The following ERO1B variants were observed in gnomAD, a reference collection of about 807,000 sequenced individuals.
ERO1B encodes the protein endoplasmic reticulum oxidoreductase 1 beta, also known as ERO1-like protein beta.
ERO1B carries 49 observed loss-of-function variants against 75.3 expected under a neutral mutation model. The ratio of observed to expected loss-of-function variants is 0.65; its 90% CI spans 0.52 to 0.83. The LOEUF (loss-of-function observed/expected upper bound fraction) is 0.83. Ranked by LOEUF, ERO1B falls within the 40% of genes least tolerant of loss-of-function variation. The probability of loss-of-function intolerance (pLI) is 0.00; values close to 1 mark genes in which losing one functional copy is unlikely to be tolerated. For synonymous variants in ERO1B, 191 were observed against 192.9 expected, an observed-to-expected ratio of 0.99 and a Z score of 0.08; for missense variants, 512 against 560.1, an observed-to-expected ratio of 0.91 and a Z score of 0.87.
At chr1:236,236,717 T>C (rs562973921) in intron 6 of ERO1B, among the ~76,000 whole-genome samples, 15 of 152,310 alleles carry the variant, frequency 9.8e-5, no homozygotes, top group South Asian at 2.1e-4. Context: ...CCACCCAGGA[T>C]TGAAAAGACC....
intron 4 of ERO1B, chr1:236,251,415 AT>A (rs1558515905): frequency 1.2e-6 from 1 of 848,094 alleles, no homozygotes; most frequent in Admixed American, 6.2e-5. Flanking sequence ...ATATGGTTTT[AT>A]TTATTTCAGA....
chr1:236,262,703 C>T (rs1487957766), intron 2 of ERO1B, among the ~76,000 whole-genome samples: 1 of 152,182 alleles, frequency 6.6e-6, no homozygotes, highest in East Asian at 1.9e-4. Context: ...CCATGCCCAG[C>T]CCTGCTGTTT....
chr1:236,253,527 A>G, intron 2 of ERO1B, 22 bp from the exon 3 acceptor site: 1 of 1,518,358 alleles, frequency 6.6e-7, no homozygotes, highest in Non-Finnish European at 9.1e-7. Flanking sequence ...GAACAAAGTT[A>G]GTAAACTCAT....
Position 236,226,422 on chromosome 1 carries a change from A to G in ERO1B, c.899T>C (p.Leu300Pro). The G allele has an allele frequency of 6.2e-7, 1 of 1,614,156 alleles. No individual in the cohort carries two copies. The highest frequency in any genetic ancestry group is 8.5e-7 in the Non-Finnish European group (1 of 1,180,008). Residue 300 changes from leucine to proline, a missense_variant, in exon 12 of 16, where the codon CTC becomes CCC. Leu to Pro is a moderately conservative substitution (Grantham distance 98). Transcript: ENST00000354619. ...VETKGEGPRR[L>P]KNLYFLYLIE... ...CAAGTATAAAAAGTAAAGATTCTTGAGCCTTCTTGGACCTTCTCCCTTGGT... is the reference window on the plus strand; with the variant it reads ...CAAGTATAAAAAGTAAAGATTCTTGGGCCTTCTTGGACCTTCTCCCTTGGT...
chr1:236,251,965 G>T lies in ERO1B; in HGVS notation c.348+85C>A, dbSNP rs940707399. The stretch of plus-strand genomic sequence containing the variant: ...TCCATTCCCAACTAACCATAATATG[G>T]TTCTTTACTACAGCCACTGTCAGTC... On this transcript the variant is annotated intron_variant, in intron 4 of 15. Transcript: ENST00000354619. 8.3e-5 allele frequency: 84 copies of T among 1,013,958 alleles called. No individual in the cohort carries two copies. In the African/African-American group the frequency reaches 1.2e-3, roughly 15 times the overall value. 62.8% of individuals were successfully genotyped at this position (1,013,958 alleles called of 1,614,324 possible). A position where few individuals can be genotyped will look rare whatever the true frequency, so the allele number is the denominator to read the frequency against.
intron 2 of ERO1B, among the ~76,000 whole-genome samples, chr1:236,266,035 G>A (rs56167022): frequency 2.6e-5 from 4 of 152,076 alleles, no homozygotes; most frequent in Admixed American, 6.5e-5. Flanking sequence ...TTTCTCCATA[G>A]AATTTACCTT....
intron 5 of ERO1B, among the ~76,000 whole-genome samples, chr1:236,247,019 A>G (rs1664900338): frequency 6.6e-6 from 1 of 152,238 alleles, no homozygotes; most frequent in South Asian, 2.1e-4. Context: ...TAATAATTTT[A>G]AAATCCAACC....
At chr1:236,250,387 G>C (rs901894665) in intron 4 of ERO1B, among the ~76,000 whole-genome samples, 1 of 151,832 alleles carries the variant, frequency 6.6e-6, no homozygotes, top group Non-Finnish European at 1.5e-5. Context: ...CAGGAGAATT[G>C]CTTGAACCTG....
chr1:236,264,411 C>G (rs1665372803), intron 2 of ERO1B, among the ~76,000 whole-genome samples: 2 of 152,172 alleles, frequency 1.3e-5, no homozygotes, highest in Admixed American at 1.3e-4. Flanking sequence ...GCCCAGACAA[C>G]TTTTTTCATT....
At position 236,269,995 on chromosome 1, in the gene ERO1B, C is replaced by A; in HGVS notation, c.103-1G>T. 1.3e-6 allele frequency: 2 copies of A among 1,576,298 alleles called. No individual in the cohort carries two copies. Among genetic ancestry groups the A allele is most frequent in the Non-Finnish European group, 8.7e-7 (1 of 1,155,362 alleles). ...AGCAATCATCCAGAACTCCAGTGACCTAGAATTTATATAATTTAAAATATG... is the reference window on the plus strand; with the variant it reads ...AGCAATCATCCAGAACTCCAGTGACATAGAATTTATATAATTTAAAATATG... On this transcript the variant is annotated splice_acceptor_variant, in intron 1 of 15. Transcript: ENST00000354619. LOFTEE classifies it high-confidence loss of function.
intron 15 of ERO1B, chr1:236,220,347 T>C (rs1254275729): frequency 2.6e-5 from 4 of 151,740 alleles, no homozygotes; most frequent in African/African-American, 9.7e-5. Flanking sequence ...AAATTATATG[T>C]CTCTATACAG....
intron 6 of ERO1B, among the ~76,000 whole-genome samples, chr1:236,239,825 G>GTATATATA (rs1344485863): frequency 5.9e-5 from 3 of 50,864 alleles, no homozygotes; most frequent in African/African-American, 1.2e-4. Context: ...ATATATATGT[G>GTATATATA]TATATATATG....
intron 1 of ERO1B, among the ~76,000 whole-genome samples, chr1:236,278,959 A>G (rs952073528): frequency 6.6e-6 from 1 of 152,238 alleles, no homozygotes; most frequent in Non-Finnish European, 1.5e-5. Context: ...CCAATTTATT[A>G]TATGGATGAA....
At chr1:236,270,881 G>C (rs1665574621) in intron 1 of ERO1B, among the ~76,000 whole-genome samples, 1 of 152,172 alleles carries the variant, frequency 6.6e-6, no homozygotes, top group African/African-American at 2.4e-5. Context: ...GGGGTAGGTA[G>C]GGTAGGAAGG....
chr1:236,247,438 G>A (rs1664912682), intron 5 of ERO1B, among the ~76,000 whole-genome samples: 1 of 152,096 alleles, frequency 6.6e-6, no homozygotes, highest in South Asian at 2.1e-4. Flanking sequence ...AGCAAATCCT[G>A]TTAGCTTTAT....
chr1:236,257,461 T>C (rs1399767601), intron 2 of ERO1B, among the ~76,000 whole-genome samples: 2 of 150,866 alleles, frequency 1.3e-5, no homozygotes, highest in Non-Finnish European at 2.9e-5. Flanking sequence ...TAGGAGCCTA[T>C]GTAGCAAATA....
chr1:236,280,393 C>T (rs1665806384), intron 1 of ERO1B, among the ~76,000 whole-genome samples: 1 of 152,062 alleles, frequency 6.6e-6, no homozygotes, highest in African/African-American at 2.4e-5. Context: ...CTATCTATTC[C>T]ATCTCAGTGT....
intron 2 of ERO1B, among the ~76,000 whole-genome samples, chr1:236,263,941 G>A (rs1665354447): frequency 6.7e-6 from 1 of 150,286 alleles, no homozygotes; most frequent in South Asian, 2.1e-4. Context: ...TAATGTAAAT[G>A]GTGGTTTCCT....
intron 9 of ERO1B, among the ~76,000 whole-genome samples, chr1:236,232,625 G>C (rs1664434375): frequency 7.2e-6 from 1 of 138,106 alleles, no homozygotes; most frequent in Admixed American, 7.5e-5. Context: ...TAAGCATTTA[G>C]GAAAAATGGT....
Sources: allele counts gnomAD v4.1 joint callset (sites outside exome capture counted in the v4.1 genomes callset), GRCh38; gene constraint gnomAD v4.1.1; transcripts MANE v1.5; gene names NCBI Gene and HGNC (gene_info 2026-07-23, HGNC 2026-07-21).